The following PIK3CA variants were observed in gnomAD, a reference collection of about 807,000 sequenced individuals.
PIK3CA encodes the protein phosphatidylinositol 4,5-bisphosphate 3-kinase catalytic subunit alpha isoform.
Under a neutral mutation model 138.2 loss-of-function variants are expected in PIK3CA, and 27 were observed. That is an observed-to-expected ratio of 0.20 (90% CI 0.14 to 0.27). PIK3CA has a LOEUF of 0.27. Ranked by LOEUF, PIK3CA falls within the 10% of genes least tolerant of loss-of-function variation. The probability of loss-of-function intolerance (pLI) is 1.00; values close to 1 mark genes in which losing one functional copy is unlikely to be tolerated. For missense variants in PIK3CA, 544 were observed against 1,277.4 expected, an observed-to-expected ratio of 0.43 and a Z score of 8.75; for synonymous variants, 358 against 413.2, an observed-to-expected ratio of 0.87 and a Z score of 1.62.
At chr3:179,170,232 C>CA (rs1233339530) in intron 1 of PIK3CA, among the ~76,000 whole-genome samples, 1 of 152,086 alleles carries the variant, frequency 6.6e-6, no homozygotes, top group Non-Finnish European at 1.5e-5. Context: ...ATTCAAGAAA[C>CA]AATCAATAGC....
intron 1 of PIK3CA, among the ~76,000 whole-genome samples, chr3:179,177,702 T>A (rs1262716546): frequency 2.0e-5 from 3 of 152,192 alleles, no homozygotes; most frequent in Non-Finnish European, 4.4e-5. Flanking sequence ...AGATCACTTA[T>A]CTAGAAATAA....
chr3:179,217,085 G>GC (rs1008281325), intron 9 of PIK3CA, among the ~76,000 whole-genome samples: 8 of 151,932 alleles, frequency 5.3e-5, no homozygotes, highest in African/African-American at 1.9e-4. Flanking sequence ...CTTGTCTATT[G>GC]CCCATCAGGC....
rs2108430259 is a variant in PIK3CA at position 179,234,388 on chromosome 3, C to T, written c.*24C>T. ...GAAAAGATAACTGAGAAAATGAAAG[C>T]TCACTCTGGATTCCACACTGCACTG... On this transcript the variant is annotated 3_prime_UTR_variant, in exon 21 of 21. Transcript: ENST00000263967. The surrounding 1 kb of genome is among the most constrained non-coding windows in gnomAD (Gnocchi z 5.1). 2 of 1,581,856 alleles carry T rather than the reference C, an allele frequency of 1.3e-6. No homozygotes were observed. The highest frequency in any genetic ancestry group is 1.3e-5 in the African/African-American group (1 of 74,236).
chr3:179,187,183 A>G (rs1474983066), intron 1 of PIK3CA, among the ~76,000 whole-genome samples: 2 of 152,072 alleles, frequency 1.3e-5, no homozygotes, highest in African/African-American at 4.8e-5. Context: ...ACAAGCCTGA[A>G]ACAGTAAGTT....
At chr3:179,200,295 A>C (rs1724378942) in intron 3 of PIK3CA, among the ~76,000 whole-genome samples, 1 of 152,064 alleles carries the variant, frequency 6.6e-6, no homozygotes, top group African/African-American at 2.4e-5. Context: ...CACCAGAAAA[A>C]AATAAGTAAT....
At chr3:179,172,037 A>G (rs979549187) in intron 1 of PIK3CA, among the ~76,000 whole-genome samples, 1 of 152,170 alleles carries the variant, frequency 6.6e-6, no homozygotes, top group African/African-American at 2.4e-5. Context: ...GGATAATACT[A>G]TAATCATGGT....
chr3:179,179,702 G>C (rs1230431344), intron 1 of PIK3CA, among the ~76,000 whole-genome samples: 2 of 152,130 alleles, frequency 1.3e-5, no homozygotes, highest in East Asian at 3.8e-4. Context: ...GAAATCCAAT[G>C]ACATTCCTAT....
intron 1 of PIK3CA, among the ~76,000 whole-genome samples, chr3:179,187,150 A>G (rs757417965): frequency 6.6e-6 from 1 of 152,034 alleles, no homozygotes; most frequent in Non-Finnish European, 1.5e-5. Context: ...TTCTAGCTAG[A>G]TAATATCTAC....
At chr3:179,212,811 G>T (rs1436490357) in intron 9 of PIK3CA, among the ~76,000 whole-genome samples, 1 of 152,056 alleles carries the variant, frequency 6.6e-6, no homozygotes, top group Non-Finnish European at 1.5e-5. Flanking sequence ...TCTTCCTTAT[G>T]ATTTTCTTAA....
At chr3:179,223,234 A>T (rs1159633655) in intron 14 of PIK3CA, among the ~76,000 whole-genome samples, 1 of 152,218 alleles carries the variant, frequency 6.6e-6, no homozygotes, top group Non-Finnish European at 1.5e-5. Context: ...AGAAGAAAAA[A>T]ACTTATTTAA....
At chr3:179,176,376 A>T (rs1044524074) in intron 1 of PIK3CA, among the ~76,000 whole-genome samples, 4 of 152,020 alleles carry the variant, frequency 2.6e-5, no homozygotes, top group East Asian at 3.9e-4. Flanking sequence ...TAAATTTAAC[A>T]TTCCTCACCT....
At chr3:179,218,385 A>C in intron 10 of PIK3CA, 51 bp downstream of exon 10, 1 of 1,501,000 alleles carries the variant, frequency 6.7e-7, no homozygotes, top group South Asian at 1.3e-5. Flanking sequence ...TTACAGAAAA[A>C]ATAACTGAAT....
intron 1 of PIK3CA, among the ~76,000 whole-genome samples, chr3:179,162,758 G>T (rs144002813): frequency 6.6e-6 from 1 of 152,088 alleles, no homozygotes; most frequent in African/African-American, 2.4e-5. Context: ...GGATGTTGGA[G>T]GTTACAGGGA....
chr3:179,211,248 A>G (rs980529972), intron 9 of PIK3CA, among the ~76,000 whole-genome samples: 3 of 152,246 alleles, frequency 2.0e-5, no homozygotes, highest in Non-Finnish European at 4.4e-5. Context: ...ATGCAAACAT[A>G]TATAAAGATG....
intron 1 of PIK3CA, among the ~76,000 whole-genome samples, chr3:179,176,104 A>T (rs1723691339): frequency 6.6e-6 from 1 of 152,178 alleles, no homozygotes. Flanking sequence ...TTTTAGAGAA[A>T]TACTGAAGAA....
chr3:179,210,625 CT>C, intron 9 of PIK3CA, 60 bp downstream of exon 9: 1 of 1,512,716 alleles, frequency 6.6e-7, no homozygotes, highest in East Asian at 2.3e-5. Flanking sequence ...TAGGTAGATA[CT>C]TTCTCTATGG....
At chr3:179,178,811 A>G (rs1010000530) in intron 1 of PIK3CA, among the ~76,000 whole-genome samples, 1 of 152,192 alleles carries the variant, frequency 6.6e-6, no homozygotes, top group East Asian at 1.9e-4. Context: ...TCTTCCGTAG[A>G]GTCTCACAAG....
rs1447170022 is a variant in PIK3CA, at chr3:179,153,604, A to G, written c.-77+5001A>G. 2.0e-5 allele frequency among the ~76,000 whole-genome samples: 3 copies of G among 152,220 alleles called. No homozygotes were observed. The East Asian group carries it at 5.8e-4, about 29-fold the overall frequency. On this transcript the variant is annotated intron_variant, in intron 1 of 20. Coordinates refer to ENST00000263967, the MANE Select transcript of PIK3CA (RefSeq NM_006218.4). ...TAGACTTGGGTCCCTAGTATGTCTC[A>G]TTATGTATATGCAAATATTCCAAAA...
intron 6 of PIK3CA, 126 bp downstream of exon 6, chr3:179,204,714 T>C (rs1273288361): frequency 1.3e-5 from 7 of 518,590 alleles, no homozygotes; most frequent in Non-Finnish European, 2.5e-5. Context: ...CTACAAAAAG[T>C]TTTTCTTAAA....
Sources: allele counts gnomAD v4.1 joint callset (sites outside exome capture counted in the v4.1 genomes callset), GRCh38; gene constraint gnomAD v4.1.1; non-coding constraint Gnocchi (gnomAD v3.1); transcripts MANE v1.5; gene names NCBI Gene and HGNC (gene_info 2026-07-23, HGNC 2026-07-21).